Variants in ZFYVE26 observed in about 807,000 individuals in gnomAD.
The protein encoded by ZFYVE26 is zinc finger FYVE-type containing 26, also known as zinc finger FYVE domain-containing protein 26.
A neutral mutation model predicts 276.5 loss-of-function variants in ZFYVE26; 181 were observed. The ratio of observed to expected loss-of-function variants is 0.65; its 90% CI spans 0.58 to 0.74. The LOEUF is 0.74. Ranked by LOEUF, ZFYVE26 falls within the 30% of genes least tolerant of loss-of-function variation. The probability of loss-of-function intolerance (pLI) is 0.00; values close to 1 mark genes in which losing one functional copy is unlikely to be tolerated. For synonymous variants in ZFYVE26, 1,129 were observed against 1,203.1 expected, an observed-to-expected ratio of 0.94 and a Z score of 1.27; for missense variants, 2,821 against 3,097.9, an observed-to-expected ratio of 0.91 and a Z score of 2.12.
chr14:67,795,373 T>A (rs577566408), intron 12 of ZFYVE26, among the ~76,000 whole-genome samples: 6 of 152,356 alleles, frequency 3.9e-5, no homozygotes, highest in Non-Finnish European at 7.3e-5. Context: ...TAGAGCCTAC[T>A]CATTCTCTGG....
chr14:67,811,179 G>A (rs1439524569), intron 3 of ZFYVE26, among the ~76,000 whole-genome samples: 2 of 152,164 alleles, frequency 1.3e-5, no homozygotes, highest in Non-Finnish European at 2.9e-5. Flanking sequence ...AGATGTCTAG[G>A]ACAGCAGATC....
At position 67,755,154 on chromosome 14, in the gene ZFYVE26, C is replaced by T; in HGVS notation, c.6883G>A (p.Ala2295Thr). The change falls in exon 37 of 42, where the codon GCC becomes ACC. Residue 2295 changes from alanine to threonine, a missense_variant. Coordinates refer to ENST00000347230, the MANE Select transcript of ZFYVE26 (RefSeq NM_015346.4). ...LGEKLSWLLKAKDHLKIYLQE... is the reference protein window; with the variant it reads ...LGEKLSWLLKTKDHLKIYLQE... ...AGGTAGATCTTCAGGTGGTCCTTGG[C>T]CTTAAGTAGCCATGAGAGCTTCTCT... 1.2e-6 allele frequency: 2 copies of T among 1,614,140 alleles called. No individual in the cohort carries two copies. Among genetic ancestry groups the T allele is most frequent in the Non-Finnish European group, 1.7e-6 (2 of 1,180,038 alleles).
intron 16 of ZFYVE26, among the ~76,000 whole-genome samples, chr14:67,788,848 A>G (rs2039732423): frequency 6.6e-6 from 1 of 152,324 alleles, no homozygotes; most frequent in Non-Finnish European, 1.5e-5. Flanking sequence ...TGGGGAGTAG[A>G]ACGTTGCCTA....
intron 5 of ZFYVE26, 128 bp from the exon 6 acceptor site, chr14:67,806,803 T>G (rs2040190541): frequency 2.9e-6 from 3 of 1,036,162 alleles, no homozygotes; most frequent in Non-Finnish European, 4.3e-6. Context: ...TTCCATACTT[T>G]ATCTTAGGGT....
chr14:67,763,455 A>C (rs1246199267), intron 32 of ZFYVE26, among the ~76,000 whole-genome samples: 2 of 152,248 alleles, frequency 1.3e-5, no homozygotes, highest in African/African-American at 4.8e-5. Flanking sequence ...TTTTTACTAT[A>C]CTTTTTCTAT....
At position 67,807,467 on chromosome 14, in the gene ZFYVE26, A is replaced by T. The variant is rs752604112; in HGVS notation, c.817T>A (p.Ser273Thr). The change falls in exon 5 of 42, where the codon TCC (serine) becomes ACC (threonine). Residue 273 changes from serine to threonine, a missense_variant. Transcript: ENST00000347230. Reference protein sequence around the residue: ...LLHKASRGLLSLYGHTYAEKV... With the variant: ...LLHKASRGLLTLYGHTYAEKV... ...TCTGCATAGGTATGGCCATACAGGG[A>T]CAGCAGGCCCCGGCTGGCCTTGTGC... 2 of 1,614,126 alleles carry T rather than the reference A, an allele frequency of 1.2e-6. No individual in the cohort carries two copies. The highest frequency in any genetic ancestry group is 1.7e-5 in the Admixed American group (1 of 60,012).
At position 67,733,970 on chromosome 14, in the gene ZFYVE26, C is replaced by G. The variant is rs374304561; in HGVS notation, n.2680-4151G>C. ...GCTGGTGCTGCGAATCCTGCCTGCT[C>G]TGATCCTCTTGACCCTTCTGGGAAT... is the stretch of plus-strand genomic sequence containing the variant. On this transcript the variant is annotated intron_variant and non_coding_transcript_variant, in intron 13 of 14. Coordinates refer to the ZFYVE26 transcript ENST00000394455. 8 of 705,122 alleles carry G rather than the reference C, an allele frequency of 1.1e-5. 1 individual carries two copies. Among genetic ancestry groups the G allele is most frequent in the East Asian group, 8.9e-5 (3 of 33,780 alleles). 43.7% of individuals were successfully genotyped at this position (705,122 alleles called of 1,614,324 possible). A position where few individuals can be genotyped will look rare whatever the true frequency, so the allele number is the denominator to read the frequency against.
At chr14:67,754,974 GA>G in intron 37 of ZFYVE26, 76 bp downstream of exon 37, 1 of 1,489,540 alleles carries the variant, frequency 6.7e-7, no homozygotes, top group South Asian at 1.1e-5. Flanking sequence ...GAATGGACAA[GA>G]GTAGCTTCAT....
At chr14:67,730,349 G>A (rs899915316) in intron 13 of ZFYVE26, among the ~76,000 whole-genome samples, 1 of 152,172 alleles carries the variant, frequency 6.6e-6, no homozygotes, top group East Asian at 1.9e-4. Flanking sequence ...GGCTAGTCCA[G>A]ATTGAGATGC....
At position 67,769,715 on chromosome 14, in the gene ZFYVE26, G is replaced by C. The variant is rs371201801; in HGVS notation, c.5500C>G (p.His1834Asp). ...EHFTMFNRRH[H>D]CRRCGRLVCS... ...ACTAGCCGGCCACAGCGGCGACAATGATGACGCCTGTTAAACTGAGGAATG... is the reference window on the plus strand; with the variant it reads ...ACTAGCCGGCCACAGCGGCGACAATCATGACGCCTGTTAAACTGAGGAATG... The change falls in exon 29 of 42, where the codon CAT (histidine) becomes GAT (aspartate). Residue 1834 changes from histidine (H) to aspartate (D), a missense_variant. By Grantham distance (81) the His-to-Asp change is moderately conservative. Coordinates refer to ENST00000347230, the MANE Select transcript of ZFYVE26 (RefSeq NM_015346.4). 1.9e-6 allele frequency: 3 copies of C among 1,614,084 alleles called. No individual in the cohort carries two copies. Among genetic ancestry groups the C allele is most frequent in the Admixed American group, 1.7e-5 (1 of 60,014 alleles).
intron 3 of ZFYVE26, 61 bp from the exon 4 acceptor site, chr14:67,809,350 A>G: frequency 1.6e-6 from 2 of 1,250,754 alleles, no homozygotes; most frequent in East Asian, 2.4e-5. Context: ...AACAAATTAT[A>G]ATTAAATATT....
chr14:67,730,116 A>C (rs2038250434), intron 13 of ZFYVE26, among the ~76,000 whole-genome samples: 1 of 152,254 alleles, frequency 6.6e-6, no homozygotes, highest in Admixed American at 6.5e-5. Flanking sequence ...CTGAGTGTGT[A>C]ATGTGTATTA....
intron 20 of ZFYVE26, among the ~76,000 whole-genome samples, 154 bp downstream of exon 20, chr14:67,784,180 C>T (rs948210215): frequency 1.3e-5 from 2 of 152,180 alleles, no homozygotes; most frequent in African/African-American, 4.8e-5. Context: ...AAACAAGGCA[C>T]ATTAAATTTT....
At position 67,778,222 on chromosome 14, in the gene ZFYVE26, G is replaced by A. The variant is rs1488037731; in HGVS notation, c.4701C>T (p.Gly1567=). 1 of 1,614,136 alleles carries A rather than the reference G, an allele frequency of 6.2e-7. No homozygotes were observed. Residue 1567 remains glycine (G), a synonymous_variant, in exon 24 of 42, where the codon GGC becomes GGT. Coordinates refer to ENST00000347230, the MANE Select transcript of ZFYVE26 (RefSeq NM_015346.4). ...GTTCTCTTGGAATGGGGTACAGGCA[G>A]CCCCACTCTTCACACAGTTCATACT... is the stretch of plus-strand genomic sequence containing the variant. ...AQEYELCEEW[G]CLYPIPREHL...
chr14:67,799,283 T>C, intron 10 of ZFYVE26: 1 of 1,613,414 alleles, frequency 6.2e-7, no homozygotes, highest in Non-Finnish European at 8.5e-7. Flanking sequence ...TTGCGTGCAG[T>C]ACACAGAGGA....
chr14:67,758,620 T>A (rs2038848678), intron 35 of ZFYVE26, among the ~76,000 whole-genome samples: 1 of 99,358 alleles, frequency 1.0e-5, no homozygotes, highest in African/African-American at 3.7e-5. Flanking sequence ...AAAGGATAAA[T>A]AGAATTTTAT....
chr14:67,750,900 C>T, intron 41 of ZFYVE26, 152 bp downstream of exon 41: 1 of 958,484 alleles, frequency 1.0e-6, no homozygotes, highest in Non-Finnish European at 1.7e-6. Context: ...CTTTCTACAC[C>T]CCTATCCAAG....
intron 14 of ZFYVE26, 151 bp from the exon 15 acceptor site, chr14:67,790,924 G>A (rs944182676): frequency 4.2e-6 from 3 of 710,356 alleles, no homozygotes; most frequent in East Asian, 5.4e-5. Context: ...TAGAAGAGCA[G>A]GTCAACTATA....
At chr14:67,730,426 T>C (rs1339858057) in intron 13 of ZFYVE26, among the ~76,000 whole-genome samples, 1 of 152,090 alleles carries the variant, frequency 6.6e-6, no homozygotes, top group African/African-American at 2.4e-5. Context: ...AATCTGAAAA[T>C]TCGGAGTCCG....
Sources: allele counts gnomAD v4.1 joint callset (sites outside exome capture counted in the v4.1 genomes callset), GRCh38; gene constraint gnomAD v4.1.1; transcripts MANE v1.5; gene names NCBI Gene and HGNC (gene_info 2026-07-23, HGNC 2026-07-21).